Variants in ERVK3-1 observed in about 807,000 individuals in gnomAD.
ERVK3-1 encodes HERV-K(HML6-1).
At chr19:58,311,183 T>G (rs2051554696) in intron 2 of ERVK3-1, 2 of 152,422 alleles carry the variant, frequency 1.3e-5, no homozygotes, top group Non-Finnish European at 2.9e-5. Context: ...TTTTATATTT[T>G]ATTATACTGG....
At chr19:58,306,093 A>G (rs1133822) in exon 2 of ERVK3-1, 54,775 of 152,114 alleles carry the variant, frequency 0.36, 11,214 homozygotes, top group African/African-American at 0.58. Context: ...TCCAGAAGCA[A>G]CCGTGACAAG....
downstream of ERVK3-1, among the ~76,000 whole-genome samples, chr19:58,316,589 T>C (rs1037899744): frequency 6.6e-6 from 1 of 152,208 alleles, no homozygotes; most frequent in African/African-American, 2.4e-5. Context: ...GTGAATCGCT[T>C]GTTCCCAGGA....
Position 58,312,789 on chromosome 19 carries a change from A to G in ERVK3-1, c.294+327A>G, listed in dbSNP as rs1038147058. ...ATTAATGTTACTGGCGTGTTCACCA[A>G]TCACTCCTAGCCCCATCACTCAAAT... On this transcript the variant is annotated intron_variant, in intron 3 of 3. Coordinates refer to ENST00000413518, the Ensembl canonical transcript of ERVK3-1. The surrounding 1 kb of genome is among the most constrained non-coding windows in gnomAD (Gnocchi z 4.7). 6.6e-6 allele frequency among the ~76,000 whole-genome samples: 1 copy of G among 152,194 alleles called. No homozygotes were observed. Among genetic ancestry groups the G allele is most frequent in the Non-Finnish European group, 1.5e-5 (1 of 68,038 alleles).
At position 58,310,446 on chromosome 19, in the gene ERVK3-1, A is replaced by G; in HGVS notation, c.-3-1720A>G. 6.2e-6 allele frequency: 1 copy of G among 161,830 alleles called. No individual in the cohort carries two copies. The highest frequency in any genetic ancestry group is 1.3e-5 in the Non-Finnish European group (1 of 75,088). 10.0% of individuals were successfully genotyped at this position (161,830 alleles called of 1,614,324 possible). A position where few individuals can be genotyped will look rare whatever the true frequency, so the allele number is the denominator to read the frequency against. On this transcript the variant is annotated intron_variant, in intron 2 of 3. Transcript: ENST00000413518. The surrounding 1 kb of genome is among the most constrained non-coding windows in gnomAD (Gnocchi z 4.7). ...TCTTATTTATTGGATACAAAGCAAA[A>G]GGGGCAGGGTAAAGAGTGTGAGTCA...
At chr19:58,316,281 T>A (rs778347646), downstream of ERVK3-1, among the ~76,000 whole-genome samples, 4 of 152,226 alleles carry the variant, frequency 2.6e-5, no homozygotes, top group Non-Finnish European at 5.9e-5. Context: ...CAGCATTGGG[T>A]AGAGAGGGTC....
At chr19:58,307,928 C>T (rs1446066500) in intron 2 of ERVK3-1, among the ~76,000 whole-genome samples, 1 of 152,150 alleles carries the variant, frequency 6.6e-6, no homozygotes, top group Non-Finnish European at 1.5e-5. Context: ...GGAGACAAAC[C>T]CACCAGAATT....
chr19:58,308,848 C>T (rs2051540159), intron 2 of ERVK3-1, among the ~76,000 whole-genome samples: 1 of 152,160 alleles, frequency 6.6e-6, no homozygotes, highest in Non-Finnish European at 1.5e-5. Context: ...TCAGTTAGTG[C>T]TTGGAATTCA....
In ERVK3-1 at chr19:58,314,084, C is replaced by A. The variant is rs114446427; in HGVS notation, c.295-664C>A. On this transcript the variant is annotated intron_variant, in intron 3 of 3. Coordinates refer to ENST00000413518, the Ensembl canonical transcript of ERVK3-1. ...TGTTCTGTGGCTGGGAAAGCAGGTA[C>A]AAAGTTTGCAATTGTAGCAGCAATT... Among the ~76,000 whole-genome samples, 1,418 of 152,258 alleles carry A rather than the reference C, an allele frequency of 9.3e-3. 27 individuals carry two copies. Among genetic ancestry groups the A allele is most frequent in the African/African-American group, 0.033 (1,354 of 41,534 alleles).
intron 2 of ERVK3-1, among the ~76,000 whole-genome samples, chr19:58,307,615 C>G (rs777656121): frequency 3.5e-4 from 52 of 149,168 alleles, no homozygotes; most frequent in Admixed American, 1.3e-3. Flanking sequence ...CCGCCCCCCC[C>G]TCCCCGCCCC....
At chr19:58,306,257 A>T (rs1407715324) in intron 2 of ERVK3-1, 41 bp downstream of exon 2, 1 of 152,204 alleles carries the variant, frequency 6.6e-6, no homozygotes, top group African/African-American at 2.4e-5. Context: ...GAGGTTTCTG[A>T]ATCAGGGTAA....
rs372567104 is a variant in ERVK3-1, at chr19:58,312,275, T to C, written c.107T>C (p.Met36Thr). The stretch of plus-strand genomic sequence containing the variant: ...GGCCTGTTACCTCCAGTACGAGCCA[T>C]GAGCCAGCGGAATCTGAATGCAAAG... Residue 36 changes from methionine to threonine, a missense_variant, in exon 3 of 4, where the codon ATG becomes ACG. Coordinates refer to ENST00000413518, the Ensembl canonical transcript of ERVK3-1. The surrounding 1 kb of genome is among the most constrained non-coding windows in gnomAD (Gnocchi z 4.7). 1.0e-4 allele frequency: 42 copies of C among 400,012 alleles called. No homozygotes were observed. Among genetic ancestry groups the C allele is most frequent in the Non-Finnish European group, 1.7e-4 (38 of 226,108 alleles). The allele number at this position is 400,012 out of a possible 1,614,324, so 24.8% of individuals were successfully genotyped here. A position where few individuals can be genotyped will look rare whatever the true frequency, so the allele number is the denominator to read the frequency against.
At chr19:58,307,624 C>T (rs1208485799) in intron 2 of ERVK3-1, among the ~76,000 whole-genome samples, 1 of 150,714 alleles carries the variant, frequency 6.6e-6, no homozygotes, top group Non-Finnish European at 1.5e-5. Context: ...CCTCCCCGCC[C>T]CGCTCCCCCC....
chr19:58,309,387 A>G (rs2051543127), intron 2 of ERVK3-1: 1 of 152,238 alleles, frequency 6.6e-6, no homozygotes. Flanking sequence ...ACTGTTACTG[A>G]AAAAAGTATT....
intron 2 of ERVK3-1, chr19:58,311,144 A>G (rs977764321): frequency 4.6e-5 from 7 of 153,002 alleles, no homozygotes; most frequent in African/African-American, 1.7e-4. Flanking sequence ...AATCATATCT[A>G]AGATCTATAT....
intron 2 of ERVK3-1, among the ~76,000 whole-genome samples, chr19:58,306,888 T>G (rs2051527310): frequency 6.6e-6 from 1 of 152,254 alleles, no homozygotes; most frequent in South Asian, 2.1e-4. Context: ...AGAGCCCATT[T>G]ACTTTAGGAT....
intron 3 of ERVK3-1, among the ~76,000 whole-genome samples, chr19:58,314,185 T>G (rs912788782): frequency 2.0e-5 from 3 of 152,224 alleles, no homozygotes; most frequent in African/African-American, 4.8e-5. Flanking sequence ...CATGGAACCT[T>G]GTAAAAGCTC....
In ERVK3-1 at chr19:58,312,012, G is replaced by C. The variant is rs115195796; in HGVS notation, c.-3-154G>C. 109 of 396,722 alleles carry C rather than the reference G, an allele frequency of 2.7e-4. No individual in the cohort carries two copies. The highest frequency in any genetic ancestry group is 1.9e-3 in the African/African-American group (94 of 48,706). 24.6% of individuals were successfully genotyped at this position (396,722 alleles called of 1,614,324 possible). On this transcript the variant is annotated intron_variant, in intron 2 of 3. Transcript: ENST00000413518. The surrounding 1 kb of genome is among the most constrained non-coding windows in gnomAD (Gnocchi z 4.7). ...TTTAAATTGTTTGACTCCTGGTACGGATGGCAAGACCCCAGCAGAACGACA... is the reference window on the plus strand; with the variant it reads ...TTTAAATTGTTTGACTCCTGGTACGCATGGCAAGACCCCAGCAGAACGACA...
At chr19:58,314,626 CAAAAAAAAAAA>C (rs58275693) in intron 3 of ERVK3-1, 111 bp from the exon 4 acceptor site, 16 of 58,984 alleles carry the variant, frequency 2.7e-4, no homozygotes, top group Non-Finnish European at 5.2e-4. Flanking sequence ...GACTCCATCT[CAAAAAAAAAAA>C]AAAAAAAAAA....
rs2051569841 is a variant in ERVK3-1, at chr19:58,313,432, C to T, written c.294+970C>T. Reference sequence around the variant, plus strand: ...TCCCGAGTAGCTGGGATTACAGGCACCCGCCACCGTGCCAGGCTATTTTTT... The same window carrying T: ...TCCCGAGTAGCTGGGATTACAGGCATCCGCCACCGTGCCAGGCTATTTTTT... On this transcript the variant is annotated intron_variant, in intron 3 of 3. Coordinates refer to ENST00000413518, the Ensembl canonical transcript of ERVK3-1. This position sits in a 1 kb window ranked among gnomAD's most constrained non-coding sequence, Gnocchi z 4.5. 6.6e-6 allele frequency among the ~76,000 whole-genome samples: 1 copy of T among 152,070 alleles called. No homozygotes were observed.
Sources: gnomAD v4.1 joint callset for allele counts (sites outside exome capture counted in the v4.1 genomes callset) on GRCh38, gnomAD v4.1.1 for gene constraint, Gnocchi (gnomAD v3.1) non-coding constraint, MANE v1.5 for transcripts, NCBI Gene and HGNC (gene_info 2026-07-23, HGNC 2026-07-21) for gene names.